SDCCAG8: variants seen among roughly 807,000 people sequenced by gnomAD.
SDCCAG8 encodes the protein SHH signaling and ciliogenesis regulator SDCCAG8.
A neutral mutation model predicts 101.8 loss-of-function variants in SDCCAG8; 74 were observed. That is an observed-to-expected ratio of 0.73 (90% CI 0.60 to 0.88). The LOEUF (loss-of-function observed/expected upper bound fraction) is 0.88. Ranked by LOEUF, SDCCAG8 falls within the 40% of genes least tolerant of loss-of-function variation. SDCCAG8 has a pLI of 0.00. For synonymous variants in SDCCAG8, 281 were observed against 292.9 expected, an observed-to-expected ratio of 0.96 and a Z score of 0.41; for missense variants, 787 against 822.6, an observed-to-expected ratio of 0.96 and a Z score of 0.53.
chr1:243,420,090 G>C (rs2080887233), intron 15 of SDCCAG8, among the ~76,000 whole-genome samples: 1 of 152,202 alleles, frequency 6.6e-6, no homozygotes, highest in African/African-American at 2.4e-5. Flanking sequence ...TCTGACTTCT[G>C]ATGCCAGTCT....
At chr1:243,447,053 A>G (rs2082961543) in intron 16 of SDCCAG8, among the ~76,000 whole-genome samples, 2 of 152,036 alleles carry the variant, frequency 1.3e-5, no homozygotes, top group Non-Finnish European at 2.9e-5. Flanking sequence ...GGAGTTCAAG[A>G]CCAGCCTGGC....
intron 16 of SDCCAG8, chr1:243,475,968 TG>T: frequency 1.0e-6 from 1 of 985,492 alleles, no homozygotes. Context: ...CGTCTGCTGC[TG>T]GAACCCACTA....
At chr1:243,462,425 G>T (rs534047639) in intron 16 of SDCCAG8, among the ~76,000 whole-genome samples, 1 of 152,368 alleles carries the variant, frequency 6.6e-6, no homozygotes, top group Non-Finnish European at 1.5e-5. Context: ...GGCTGTGAAG[G>T]TAAGGACAGT....
At chr1:243,346,167 T>G (rs1447176858) in intron 12 of SDCCAG8, 2 of 154,356 alleles carry the variant, frequency 1.3e-5, no homozygotes, top group Non-Finnish European at 2.9e-5. Context: ...CCATGGATGA[T>G]TTGGAGTAGC....
At chr1:243,401,865 A>T (rs1170797271) in intron 13 of SDCCAG8, among the ~76,000 whole-genome samples, 1 of 152,220 alleles carries the variant, frequency 6.6e-6, no homozygotes, top group Non-Finnish European at 1.5e-5. Context: ...TGGCTGAATT[A>T]AATGAGAAAC....
At chr1:243,402,354 C>T (rs1479909206) in intron 13 of SDCCAG8, among the ~76,000 whole-genome samples, 3 of 150,166 alleles carry the variant, frequency 2.0e-5, no homozygotes, top group African/African-American at 4.9e-5. Flanking sequence ...CGCTTGAACC[C>T]GGGAGGCGGA....
intron 4 of SDCCAG8, among the ~76,000 whole-genome samples, chr1:243,277,784 A>G (rs1423419651): frequency 6.6e-6 from 1 of 152,000 alleles, no homozygotes; most frequent in Non-Finnish European, 1.5e-5. Flanking sequence ...TTTATTTTAC[A>G]TTTAGATCAT....
intron 12 of SDCCAG8, among the ~76,000 whole-genome samples, chr1:243,347,635 C>A (rs1433663132): frequency 1.3e-5 from 2 of 152,202 alleles, no homozygotes; most frequent in African/African-American, 4.8e-5. Flanking sequence ...ATGGCTACCA[C>A]GCAGCATTCC....
At chr1:243,384,813 C>G (rs564434969) in intron 13 of SDCCAG8, among the ~76,000 whole-genome samples, 140 of 152,176 alleles carry the variant, frequency 9.2e-4, no homozygotes, top group African/African-American at 3.3e-3. Flanking sequence ...GAAACAAGTG[C>G]CTCGTAAGCA....
chr1:243,422,238 A>G (rs190897589), intron 15 of SDCCAG8, among the ~76,000 whole-genome samples: 2 of 152,334 alleles, frequency 1.3e-5, no homozygotes. Flanking sequence ...TTTTGTAATT[A>G]AGAGGAACAA....
chr1:243,350,272 A>G (rs1265619764), intron 12 of SDCCAG8, among the ~76,000 whole-genome samples: 3 of 151,496 alleles, frequency 2.0e-5, no homozygotes, highest in African/African-American at 4.9e-5. Flanking sequence ...GCAGTGGTGC[A>G]ATCTCGGTTC....
chr1:243,293,457 C>T, intron 6 of SDCCAG8: 1 of 635,800 alleles, frequency 1.6e-6, no homozygotes, highest in Non-Finnish European at 2.9e-6. Context: ...CTCCATTCCC[C>T]TCCCTGCCAA....
At chr1:243,442,883 G>C (rs1160363546) in intron 16 of SDCCAG8, among the ~76,000 whole-genome samples, 1 of 152,140 alleles carries the variant, frequency 6.6e-6, no homozygotes, top group African/African-American at 2.4e-5. Context: ...TGATTTGCTT[G>C]GCATATCTCC....
At chr1:243,385,091 A>C (rs971909573) in intron 13 of SDCCAG8, among the ~76,000 whole-genome samples, 1 of 152,166 alleles carries the variant, frequency 6.6e-6, no homozygotes, top group African/African-American at 2.4e-5. Context: ...GGGGAAGAGA[A>C]GAAAATACAT....
chr1:243,463,970 C>T (rs758089441), intron 16 of SDCCAG8, among the ~76,000 whole-genome samples: 4 of 152,010 alleles, frequency 2.6e-5, no homozygotes, highest in Non-Finnish European at 2.9e-5. Context: ...GCTAGAGAGA[C>T]GGCTGAAAAT....
intron 16 of SDCCAG8, among the ~76,000 whole-genome samples, chr1:243,447,057 G>T (rs1016855157): frequency 1.3e-5 from 2 of 151,974 alleles, no homozygotes; most frequent in Non-Finnish European, 2.9e-5. Context: ...TTCAAGACCA[G>T]CCTGGCCAAC....
chr1:243,409,584 G>A (rs973342678), intron 13 of SDCCAG8, among the ~76,000 whole-genome samples: 4 of 152,030 alleles, frequency 2.6e-5, no homozygotes, highest in African/African-American at 9.7e-5. Flanking sequence ...TCCAAGACTG[G>A]TACAAGGACA....
intron 16 of SDCCAG8, among the ~76,000 whole-genome samples, chr1:243,453,946 C>A (rs900352925): frequency 6.6e-6 from 1 of 152,170 alleles, no homozygotes; most frequent in Non-Finnish European, 1.5e-5. Context: ...TAATTGGGAT[C>A]TTTCTATTGG....
At chr1:243,316,458 C>T (rs1425148297) in intron 8 of SDCCAG8, among the ~76,000 whole-genome samples, 1 of 152,190 alleles carries the variant, frequency 6.6e-6, no homozygotes, top group Non-Finnish European at 1.5e-5. Context: ...CCTCCCCCCA[C>T]TTTTAAAAAA....
Sources: allele counts gnomAD v4.1 joint callset (sites outside exome capture counted in the v4.1 genomes callset), GRCh38; gene constraint gnomAD v4.1.1; transcripts MANE v1.5; gene names NCBI Gene and HGNC (gene_info 2026-07-23, HGNC 2026-07-21).